Variants in SPDEF observed in about 807,000 individuals in gnomAD.
SPDEF encodes the protein SAM pointed domain containing ETS transcription factor, also known as SAM pointed domain-containing Ets transcription factor.
SPDEF carries 12 observed loss-of-function variants against 36.0 expected under a neutral mutation model. The observed-to-expected ratio is 0.33, with a 90% CI of 0.21 to 0.54. The LOEUF is 0.54. SPDEF is among the 20% of genes least tolerant of loss of function. The probability of loss-of-function intolerance (pLI) is 0.93; values close to 1 mark genes in which losing one functional copy is unlikely to be tolerated. For missense variants in SPDEF, 388 were observed against 456.9 expected, an observed-to-expected ratio of 0.85 and a Z score of 1.37; for synonymous variants, 205 against 193.0, an observed-to-expected ratio of 1.06 and a Z score of -0.51.
chr6:34,538,314 A>C lies in SPDEF; in HGVS notation c.968T>G (p.Ile323Ser). The change falls in exon 6 of 6, where the codon ATC becomes AGC. Residue 323 changes from isoleucine (I) to serine (S), a missense_variant. This residue lies in a region of SPDEF where 80 missense variants were observed against 130.8 expected (regional missense o/e 0.61). Coordinates refer to ENST00000374037, the MANE Select transcript of SPDEF (RefSeq NM_012391.3). The surrounding 1 kb of genome is among the most constrained non-coding windows in gnomAD (Gnocchi z 5.9). The part of the protein sequence containing the change: ...YKKGIIRKPD[I>S]SQRLVYQFVH... ...GAACTGGTAGACGAGGCGCTGGGAG[A>C]TGTCTGGCTTCCGGATGATGCCCTT... The C allele has an allele frequency of 1.9e-6, 3 of 1,614,106 alleles. No individual in the cohort carries two copies. The highest frequency in any genetic ancestry group is 2.5e-6 in the Non-Finnish European group (3 of 1,179,976).
intron 1 of SPDEF, among the ~76,000 whole-genome samples, chr6:34,549,205 T>C (rs1278879497): frequency 6.6e-6 from 1 of 152,206 alleles, no homozygotes; most frequent in East Asian, 1.9e-4. Context: ...CCTGGCTCCC[T>C]CCTGCTCCAG....
At chr6:34,543,457 A>G (rs1161606615) in intron 2 of SPDEF, among the ~76,000 whole-genome samples, 1 of 152,180 alleles carries the variant, frequency 6.6e-6, no homozygotes, top group Non-Finnish European at 1.5e-5. Flanking sequence ...AGGTGAGAAC[A>G]GCAGGTAGGG....
At chr6:34,541,854 C>T (rs1767829622) in intron 2 of SPDEF, among the ~76,000 whole-genome samples, 1 of 150,984 alleles carries the variant, frequency 6.6e-6, no homozygotes, top group South Asian at 2.1e-4. Context: ...GGGTGCTGCT[C>T]TGGGGTGAGC....
intron 1 of SPDEF, among the ~76,000 whole-genome samples, chr6:34,553,578 G>A (rs1768107817): frequency 6.6e-6 from 1 of 152,156 alleles, no homozygotes; most frequent in South Asian, 2.1e-4. Flanking sequence ...AAGGGGTTGT[G>A]GAGATTGAGA....
chr6:34,542,608 G>T (rs1767846768), intron 2 of SPDEF, among the ~76,000 whole-genome samples: 1 of 152,228 alleles, frequency 6.6e-6, no homozygotes, highest in Admixed American at 6.5e-5. Context: ...CTGCTTTTCG[G>T]CCCAGAGAGG....
intron 1 of SPDEF, among the ~76,000 whole-genome samples, chr6:34,554,909 C>T (rs905938292): frequency 3.3e-5 from 5 of 152,168 alleles, no homozygotes; most frequent in South Asian, 2.1e-4. Context: ...AAGTCCCAGC[C>T]CTGGCCGAGG....
rs375449656 is a variant in SPDEF at position 34,544,014 on chromosome 6, G to C, written c.436+6C>G. 36 of 1,606,358 alleles carry C rather than the reference G, an allele frequency of 2.2e-5. No individual in the cohort carries two copies. In the African/African-American group the frequency reaches 4.8e-4, roughly 22 times the overall value. The stretch of plus-strand genomic sequence containing the variant: ...TTACGGAAGCAGGCACATGGAGAGG[G>C]CTCACCTGCGGTGATGTTGAGCAGC... On this transcript the variant is annotated splice_donor_region_variant and intron_variant, in intron 2 of 5. Coordinates refer to ENST00000374037, the MANE Select transcript of SPDEF (RefSeq NM_012391.3). The surrounding 1 kb of genome is among the most constrained non-coding windows in gnomAD (Gnocchi z 4.4).
chr6:34,550,726 T>C (rs911701284), intron 1 of SPDEF, among the ~76,000 whole-genome samples: 3 of 148,942 alleles, frequency 2.0e-5, no homozygotes, highest in Non-Finnish European at 4.5e-5. Context: ...TTGGGGGAAG[T>C]ACAGGGGAGT....
chr6:34,549,680 T>A (rs1289999667), intron 1 of SPDEF, among the ~76,000 whole-genome samples: 1 of 152,088 alleles, frequency 6.6e-6, no homozygotes, highest in Non-Finnish European at 1.5e-5. Context: ...GGGGAGATGG[T>A]GGTGTGGGGT....
At chr6:34,554,837 G>A (rs1030428856) in intron 1 of SPDEF, among the ~76,000 whole-genome samples, 1 of 152,212 alleles carries the variant, frequency 6.6e-6, no homozygotes, top group Non-Finnish European at 1.5e-5. Context: ...TTGTTACTCA[G>A]CTGAGCAGCT....
At position 34,538,949 on chromosome 6, in the gene SPDEF, C is replaced by T. The variant is rs1194236451; in HGVS notation, c.829+301G>A. On this transcript the variant is annotated intron_variant, in intron 5 of 5. Coordinates refer to ENST00000374037, the MANE Select transcript of SPDEF (RefSeq NM_012391.3). This position sits in a 1 kb window ranked among gnomAD's most constrained non-coding sequence, Gnocchi z 5.9. ...CAGGCAGTTCGGCCTGTGCAGCCCTCTCTGGCAGGATTAATTAATATGAGA... is the reference window on the plus strand; with the variant it reads ...CAGGCAGTTCGGCCTGTGCAGCCCTTTCTGGCAGGATTAATTAATATGAGA... Among the ~76,000 whole-genome samples the T allele has an allele frequency of 1.3e-5, 2 of 152,188 alleles. No homozygotes were observed. Among genetic ancestry groups the T allele is most frequent in the Non-Finnish European group, 2.9e-5 (2 of 68,032 alleles).
At chr6:34,550,232 A>G (rs927572721) in intron 1 of SPDEF, among the ~76,000 whole-genome samples, 2 of 151,750 alleles carry the variant, frequency 1.3e-5, no homozygotes, top group African/African-American at 2.4e-5. Flanking sequence ...TGCTCCTCCA[A>G]CCCTTCCACA....
rs185757079 is a variant in SPDEF, at chr6:34,539,496, C to T, written c.682+19G>A. 42 of 1,580,336 alleles carry T rather than the reference C, an allele frequency of 2.7e-5. No individual in the cohort carries two copies. Among genetic ancestry groups the T allele is most frequent in the African/African-American group, 2.6e-4 (19 of 74,386 alleles). ...CCCCACCCGAGCCCCCGCCTCCACC[C>T]TGCCGCTGCCTGGCTCACCACAGTA... On this transcript the variant is annotated intron_variant, in intron 4 of 5. Coordinates refer to ENST00000374037, the MANE Select transcript of SPDEF (RefSeq NM_012391.3). The surrounding 1 kb of genome is among the most constrained non-coding windows in gnomAD (Gnocchi z 5.2).
chr6:34,537,904 TGGGAGG>T lies in SPDEF; in HGVS notation c.*364_*369del. The T allele has an allele frequency of 4.8e-6, 1 of 207,600 alleles. No homozygotes were observed. The highest frequency in any genetic ancestry group is 9.8e-6 in the Non-Finnish European group (1 of 101,768). 12.9% of individuals were successfully genotyped at this position (207,600 alleles called of 1,614,324 possible). On this transcript the variant is annotated 3_prime_UTR_variant, in exon 6 of 6. Transcript: ENST00000374037. ...GCACCATGCCAGGTGTGGTGCAGAA[TGGGAGG>T]CAGGGGGATGGAGCAGAGAGAGGCC...
intron 1 of SPDEF, among the ~76,000 whole-genome samples, chr6:34,547,227 A>G (rs572377366): frequency 6.6e-6 from 1 of 152,212 alleles, no homozygotes; most frequent in South Asian, 2.1e-4. Flanking sequence ...TGTTTCAGGC[A>G]TGGTTGTGTG....
intron 1 of SPDEF, among the ~76,000 whole-genome samples, chr6:34,547,165 G>T (rs1431877261): frequency 6.6e-6 from 1 of 152,108 alleles, no homozygotes; most frequent in Non-Finnish European, 1.5e-5. Flanking sequence ...TTCCCTTGTG[G>T]CCCTCCTGTT....
intron 1 of SPDEF, among the ~76,000 whole-genome samples, chr6:34,551,034 C>G (rs143504516): frequency 9.8e-4 from 149 of 152,328 alleles, no homozygotes; most frequent in African/African-American, 3.4e-3. Context: ...GCTGGGGCAG[C>G]CAGCATTATT....
chr6:34,550,967 G>A (rs975984470), intron 1 of SPDEF, among the ~76,000 whole-genome samples: 1 of 152,202 alleles, frequency 6.6e-6, no homozygotes, highest in African/African-American at 2.4e-5. Context: ...TACTTCCAGC[G>A]CTTTCTGGGA....
intron 1 of SPDEF, among the ~76,000 whole-genome samples, chr6:34,554,239 C>T (rs1204745611): frequency 6.6e-6 from 1 of 152,180 alleles, no homozygotes; most frequent in African/African-American, 2.4e-5. Context: ...ACTGCTCTAA[C>T]GGTTTCAGGG....
Sources: allele counts gnomAD v4.1 joint callset (sites outside exome capture counted in the v4.1 genomes callset), GRCh38; gene constraint gnomAD v4.1.1; regional missense constraint gnomAD v4.1.1; non-coding constraint Gnocchi (gnomAD v3.1); transcripts MANE v1.5; gene names NCBI Gene and HGNC (gene_info 2026-07-23, HGNC 2026-07-21).